UMODL1: variants seen among roughly 807,000 people sequenced by gnomAD.
The protein encoded by UMODL1 is uromodulin-like 1.
Under a neutral mutation model 136.3 loss-of-function variants are expected in UMODL1, and 128 were observed. The observed-to-expected ratio is 0.94, with a 90% CI of 0.81 to 1.09. UMODL1 has a LOEUF of 1.09. Among genes scored for constraint, UMODL1 ranks in the 50% least tolerant of loss-of-function variants. UMODL1 has a pLI of 0.00. For synonymous variants in UMODL1, 721 were observed against 720.0 expected (o/e 1.00, Z -0.02); for missense variants, 1,766 against 1,725.6 (o/e 1.02, Z -0.41).
chr21:42,091,382 G>A lies in UMODL1; in HGVS notation c.931+944G>A, dbSNP rs137914855. On this transcript the variant is annotated intron_variant, in intron 6 of 22. Transcript: ENST00000408910. ...TTGGGGGAAGCATGTAGATAAACGT[G>A]CCCAGGTCTGTCCCTGTTGGGAGTG... 9.2e-5 allele frequency among the ~76,000 whole-genome samples: 14 copies of A among 152,344 alleles called. No individual in the cohort carries two copies. In the East Asian group the frequency reaches 2.7e-3, roughly 29 times the overall value.
chr21:42,070,201 G>C, upstream of UMODL1, among the ~76,000 whole-genome samples: 1 of 152,160 alleles, frequency 6.6e-6, no homozygotes, highest in East Asian at 1.9e-4. Flanking sequence ...AGAACACCAG[G>C]GAATTATGCT....
chr21:42,128,464 C>T (rs1455778597), intron 20 of UMODL1, among the ~76,000 whole-genome samples: 1 of 152,002 alleles, frequency 6.6e-6, no homozygotes, highest in African/African-American at 2.4e-5. Context: ...GAATGCTTCT[C>T]TCTCCTCGGA....
At chr21:42,114,191 C>T (rs1009345063) in intron 13 of UMODL1, among the ~76,000 whole-genome samples, 9 of 152,238 alleles carry the variant, frequency 5.9e-5, no homozygotes, top group South Asian at 2.1e-4. Context: ...AACAGTCCTA[C>T]AGAGGACTTG....
At position 42,088,280 on chromosome 21, in the gene UMODL1, T is replaced by C. The variant is rs1032929817; in HGVS notation, c.604-14T>C. The C allele has an allele frequency of 6.2e-7, 1 of 1,607,554 alleles. No individual in the cohort carries two copies. The highest frequency in any genetic ancestry group is 1.3e-5 in the African/African-American group (1 of 74,950). ...GTCCTTCTGCTGTGTGACACTCTGATTCTGCCTTCACAGGTCACCAGCGCC... is the reference window on the plus strand; with the variant it reads ...GTCCTTCTGCTGTGTGACACTCTGACTCTGCCTTCACAGGTCACCAGCGCC... On this transcript the variant is annotated splice_polypyrimidine_tract_variant and intron_variant, in intron 4 of 22. Coordinates refer to ENST00000408910, the MANE Select transcript of UMODL1 (RefSeq NM_001004416.3).
In UMODL1 at chr21:42,084,216, G is replaced by C; in HGVS notation, c.452G>C (p.Gly151Ala). 6.2e-7 allele frequency: 1 copy of C among 1,613,710 alleles called. No individual in the cohort carries two copies. Among genetic ancestry groups the C allele is most frequent in the Non-Finnish European group, 8.5e-7 (1 of 1,180,012 alleles). ...GLEKCCPWSG[G>A]RYCMAPAPQA... ...GAGAAGTGCTGCCCCTGGTCAGGGG[G>C]GCGCTACTGCATGGCCCCTGCACCC... Residue 151 changes from glycine to alanine, a missense_variant, in exon 3 of 23, where the codon GGG becomes GCG. By Grantham distance (60) the Gly-to-Ala change is moderately conservative. Transcript: ENST00000408910.
intron 21 of UMODL1, among the ~76,000 whole-genome samples, chr21:42,131,117 T>C (rs12627092): frequency 0.054 from 8,285 of 152,286 alleles, 359 homozygotes; most frequent in East Asian, 0.23. Context: ...CCGGACTGAC[T>C]CCCACTTTTA....
chr21:42,123,219 G>C lies in UMODL1; in HGVS notation c.3147+69G>C, dbSNP rs192778482. 3 of 1,503,258 alleles carry C rather than the reference G, an allele frequency of 2.0e-6. No homozygotes were observed. The highest frequency in any genetic ancestry group is 2.7e-6 in the Non-Finnish European group (3 of 1,113,946). 93.1% of individuals were successfully genotyped at this position (1,503,258 alleles called of 1,614,324 possible). The stretch of plus-strand genomic sequence containing the variant: ...AGGGGCTCTAGGTTACATGGGCCTC[G>C]ATGTGGGAGGGCCAGGCAAGACTCT... On this transcript the variant is annotated intron_variant, in intron 17 of 22. Coordinates refer to ENST00000408910, the MANE Select transcript of UMODL1 (RefSeq NM_001004416.3). The surrounding 1 kb of genome is among the most constrained non-coding windows in gnomAD (Gnocchi z 4.4).
In UMODL1 at chr21:42,139,192, C is replaced by A. The variant is rs796526637; in HGVS notation, c.*21+1551C>A. On this transcript the variant is annotated intron_variant, in intron 22 of 22. Transcript: ENST00000408910. ...AATACTAATAAAAGAAGAAGAGAAG[C>A]AATCATGAGGCTTATCTGGCAGCGT... 3.3e-5 allele frequency among the ~76,000 whole-genome samples: 5 copies of A among 152,288 alleles called. 1 individual carries two copies. Among genetic ancestry groups the A allele is most frequent in the African/African-American group, 9.6e-5 (4 of 41,584 alleles).
chr21:42,105,646 C>T (rs1027671079), intron 9 of UMODL1, among the ~76,000 whole-genome samples: 3 of 152,186 alleles, frequency 2.0e-5, no homozygotes, highest in Non-Finnish European at 4.4e-5. Flanking sequence ...GACACAGACA[C>T]AGAGGCCAAG....
rs146992008 is a variant in UMODL1, at chr21:42,085,687, C to T, written c.603+275C>T. On this transcript the variant is annotated intron_variant, in intron 4 of 22. Coordinates refer to ENST00000408910, the MANE Select transcript of UMODL1 (RefSeq NM_001004416.3). This position sits in a 1 kb window ranked among gnomAD's most constrained non-coding sequence, Gnocchi z 4.5. ...GGCCCGCCTGTCGTGGTGGAGAACG[C>T]GGATCCCTAAGCTTGCAGGGGTCTG... 8.5e-5 allele frequency among the ~76,000 whole-genome samples: 13 copies of T among 152,290 alleles called. No individual in the cohort carries two copies. Among genetic ancestry groups the T allele is most frequent in the African/African-American group, 2.2e-4 (9 of 41,534 alleles).
chr21:42,085,926 G>A lies in UMODL1; in HGVS notation c.603+514G>A, dbSNP rs150539172. 1.7e-3 allele frequency among the ~76,000 whole-genome samples: 263 copies of A among 152,290 alleles called. 2 individuals are homozygous for A. The highest frequency in any genetic ancestry group is 0.014 in the East Asian group (70 of 5,168). ...CAAGTCAGAAGCACACCCCAGGGTGGCATCCAAAACTGTCTCCAGACGTCG... is the reference window on the plus strand; with the variant it reads ...CAAGTCAGAAGCACACCCCAGGGTGACATCCAAAACTGTCTCCAGACGTCG... On this transcript the variant is annotated intron_variant, in intron 4 of 22. Transcript: ENST00000408910. This position sits in a 1 kb window ranked among gnomAD's most constrained non-coding sequence, Gnocchi z 4.5.
In UMODL1 at chr21:42,127,103, G is replaced by A. The variant is rs373290786; in HGVS notation, c.3391G>A (p.Val1131Met). 7 of 1,614,042 alleles carry A rather than the reference G, an allele frequency of 4.3e-6. No individual in the cohort carries two copies. Among genetic ancestry groups the A allele is most frequent in the Middle Eastern group, 1.6e-4 (1 of 6,084 alleles). The change falls in exon 19 of 23, where the codon GTG becomes ATG. Residue 1131 changes from valine to methionine, a missense_variant. Physicochemically the swap from Val to Met is conservative, Grantham distance 21. Coordinates refer to ENST00000408910, the MANE Select transcript of UMODL1 (RefSeq NM_001004416.3). ...CTCTCCCATACCTCAGAATTATAGCGTGTCTGCCAGTGACGATGTCAGGAT... is the reference window on the plus strand; with the variant it reads ...CTCTCCCATACCTCAGAATTATAGCATGTCTGCCAGTGACGATGTCAGGAT... The part of the protein sequence containing the change: ...GDSPIPQNYS[V>M]SASDDVRIEV...
In UMODL1 at chr21:42,113,551, GT is replaced by G. The variant is rs975226477; in HGVS notation, c.2105-21del. 5.7e-6 allele frequency: 9 copies of G among 1,589,198 alleles called. No individual in the cohort carries two copies. In the African/African-American group the frequency reaches 6.7e-5, roughly 12 times the overall value. On this transcript the variant is annotated intron_variant, in intron 12 of 22. Transcript: ENST00000408910. ...TAGAAATGGCTTGATTGTAATTTTG[GT>G]GTTTATATTCCACTTCCCAGTTCCT...
At chr21:42,135,661 G>T (rs182349291) in intron 21 of UMODL1, among the ~76,000 whole-genome samples, 2 of 152,338 alleles carry the variant, frequency 1.3e-5, no homozygotes, top group East Asian at 3.9e-4. Flanking sequence ...AGTGTCCATC[G>T]TGATTTAGGA....
At chr21:42,109,399 C>T (rs571799583) in intron 9 of UMODL1, among the ~76,000 whole-genome samples, 163 bp from the exon 10 acceptor site, 122 of 151,646 alleles carry the variant, frequency 8.0e-4, no homozygotes, top group African/African-American at 2.7e-3. Context: ...ACAGGCAGGC[C>T]GTAAGGTTGT....
At chr21:42,101,642 T>G in intron 7 of UMODL1, 1 of 443,676 alleles carries the variant, frequency 2.3e-6, no homozygotes, top group East Asian at 7.0e-5. Flanking sequence ...TTTTCCATCT[T>G]TGCTTATGCC....
chr21:42,114,572 T>C (rs7282628), intron 13 of UMODL1, among the ~76,000 whole-genome samples: 8,222 of 151,464 alleles, frequency 0.054, 340 homozygotes, highest in Non-Finnish European at 0.083. Context: ...GCAGCATTGA[T>C]AGCAGTGGTC....
chr21:42,130,220 A>AAGTGTGTGTG (rs1569178012), intron 21 of UMODL1, among the ~76,000 whole-genome samples: 1 of 97,648 alleles, frequency 1.0e-5, no homozygotes, highest in Non-Finnish European at 2.4e-5. Context: ...GGCCATGTCA[A>AAGTGTGTGTG]CGTGTGTGTG....
chr21:42,075,871 C>A, intron 1 of UMODL1, 134 bp from the exon 2 acceptor site: 7 of 1,323,406 alleles, frequency 5.3e-6, no homozygotes, highest in Non-Finnish European at 7.3e-6. Context: ...GGCTGGTGGG[C>A]AGCTTCTGAG....
Sources: gnomAD v4.1 joint callset for allele counts (sites outside exome capture counted in the v4.1 genomes callset) on GRCh38, gnomAD v4.1.1 for gene constraint, Gnocchi (gnomAD v3.1) non-coding constraint, MANE v1.5 for transcripts, NCBI Gene and HGNC (gene_info 2026-07-23, HGNC 2026-07-21) for gene names.